The following FUBP1 variants were observed in gnomAD, a reference collection of about 807,000 sequenced individuals.
FUBP1 encodes far upstream element-binding protein 1.
In FUBP1, 16 loss-of-function variants were observed where a neutral mutation model predicts 94.9. The ratio of observed to expected loss-of-function variants is 0.17; its 90% CI spans 0.11 to 0.26. The LOEUF is 0.26. FUBP1 is among the 10% of genes least tolerant of loss of function. FUBP1 has a pLI of 1.00. For missense variants in FUBP1, 583 were observed against 808.6 expected, an observed-to-expected ratio of 0.72 and a Z score of 3.38; for synonymous variants, 279 against 254.9, an observed-to-expected ratio of 1.09 and a Z score of -0.90.
rs2102562666 is a variant in FUBP1, at chr1:77,978,920, C to T, written c.85G>A (p.Asp29Asn). 6.2e-7 allele frequency: 1 copy of T among 1,613,814 alleles called. No individual in the cohort carries two copies. Among genetic ancestry groups the T allele is most frequent in the Non-Finnish European group, 8.5e-7 (1 of 1,179,872 alleles). ...CTCTGCAGTGCATCTTTGAAAGCGT[C>T]GTTAACTCCTCCACCACCACCGCCG... ...GGGGGGGGVN[D>N]AFKDALQRAR... is the part of the protein sequence containing the mutation. The change falls in exon 1 of 20, where the codon GAC becomes AAC. Residue 29 changes from aspartate (D) to asparagine (N), a missense_variant. Physicochemically the swap from Asp to Asn is conservative, Grantham distance 23 (BLOSUM62 1). Coordinates refer to ENST00000370768, the MANE Select transcript of FUBP1 (RefSeq NM_003902.5).
At chr1:77,971,683 C>T (rs1657563726) in intron 1 of FUBP1, among the ~76,000 whole-genome samples, 1 of 150,604 alleles carries the variant, frequency 6.6e-6, no homozygotes, top group African/African-American at 2.4e-5. Flanking sequence ...TTATTAGGAT[C>T]AAGTACTAGA....
Position 77,945,121 on chromosome 1 carries a change from C to T in FUBP1, c.*3645G>A, listed in dbSNP as rs894814891. Among the ~76,000 whole-genome samples the T allele has an allele frequency of 6.6e-6, 1 of 151,908 alleles. No individual in the cohort carries two copies. The highest frequency in any genetic ancestry group is 2.4e-5 in the African/African-American group (1 of 41,408). On this transcript the variant is annotated 3_prime_UTR_variant, in exon 20 of 20. Coordinates refer to ENST00000370768, the MANE Select transcript of FUBP1 (RefSeq NM_003902.5). ...TCATTTAAAATAATGCTTATAGTAT[C>T]AGTGAAGGCTTATGGTAATGAATAA... is the stretch of plus-strand genomic sequence containing the variant.
intron 14 of FUBP1, 90 bp from the exon 15 acceptor site, chr1:77,960,585 C>A: frequency 2.8e-6 from 3 of 1,063,124 alleles, no homozygotes; most frequent in Non-Finnish European, 4.0e-6. Flanking sequence ...TTTCTACCCT[C>A]TTATAGTCAC....
Position 77,958,869 on chromosome 1 carries a change from G to T in FUBP1, c.1576+1315C>A, listed in dbSNP as rs140122190. On this transcript the variant is annotated intron_variant, in intron 16 of 19. Transcript: ENST00000370768. Reference sequence around the variant, plus strand: ...TACCATCCCAATCAGCCAACAAGAGGGAAAGAAAAGCCCTTTCATTCTCCA... The same window carrying T: ...TACCATCCCAATCAGCCAACAAGAGTGAAAGAAAAGCCCTTTCATTCTCCA... Among the ~76,000 whole-genome samples the T allele has an allele frequency of 6.2e-3, 939 of 152,182 alleles. 10 individuals carry two copies. Among genetic ancestry groups the T allele is most frequent in the African/African-American group, 0.021 (883 of 41,486 alleles).
chr1:77,958,245 G>T (rs2102327565), intron 16 of FUBP1, among the ~76,000 whole-genome samples: 1 of 152,286 alleles, frequency 6.6e-6, no homozygotes, highest in South Asian at 2.1e-4. Context: ...CAAATAACTA[G>T]TATGTACTAA....
In FUBP1 at chr1:77,946,324, A is replaced by C; in HGVS notation, c.*2442T>G. ...TTTCTTGTCTTAATAAAAAAAAAAAAGTAAAATAAAAAACATTACCCAGAA... is the reference window on the plus strand; with the variant it reads ...TTTCTTGTCTTAATAAAAAAAAAAACGTAAAATAAAAAACATTACCCAGAA... On this transcript the variant is annotated 3_prime_UTR_variant, in exon 20 of 20. Transcript: ENST00000370768. Among the ~76,000 whole-genome samples, 1 of 151,676 alleles carries C rather than the reference A, an allele frequency of 6.6e-6. No homozygotes were observed. Among genetic ancestry groups the C allele is most frequent in the South Asian group, 2.1e-4 (1 of 4,822 alleles).
intron 3 of FUBP1, among the ~76,000 whole-genome samples, 173 bp downstream of exon 3, chr1:77,967,992 T>C (rs1310978109): frequency 6.6e-6 from 1 of 152,134 alleles, no homozygotes; most frequent in Admixed American, 6.5e-5. Context: ...CCACAATTAA[T>C]GGGACAGATT....
intron 2 of FUBP1, chr1:77,969,152 A>T: frequency 1.9e-6 from 1 of 524,774 alleles, no homozygotes; most frequent in Non-Finnish European, 3.3e-6. Flanking sequence ...TTTTTTTTCT[A>T]CATTAAAAAC....
chr1:77,953,434 T>C (rs1216336788), intron 18 of FUBP1, among the ~76,000 whole-genome samples: 1 of 152,158 alleles, frequency 6.6e-6, no homozygotes, highest in Non-Finnish European at 1.5e-5. Context: ...GAGGTTGCAG[T>C]GAGCTGAGAT....
intron 1 of FUBP1, among the ~76,000 whole-genome samples, chr1:77,976,850 G>A (rs952292337): frequency 2.6e-5 from 4 of 152,138 alleles, no homozygotes; most frequent in African/African-American, 9.7e-5. Flanking sequence ...ATCTGGATCC[G>A]CTTGTACCTT....
At chr1:77,972,890 T>A (rs1657847432) in intron 1 of FUBP1, among the ~76,000 whole-genome samples, 1 of 148,000 alleles carries the variant, frequency 6.8e-6, no homozygotes, top group Admixed American at 6.6e-5. Flanking sequence ...AAGTGTTTAA[T>A]AAAAATACCA....
At chr1:77,970,789 A>C (rs149708386) in intron 1 of FUBP1, among the ~76,000 whole-genome samples, 73 of 152,324 alleles carry the variant, frequency 4.8e-4, no homozygotes, top group Middle Eastern at 3.4e-3. Context: ...TCATGCCTGT[A>C]ATCTTAGCAC....
At chr1:77,953,689 TA>T (rs544066254) in intron 18 of FUBP1, among the ~76,000 whole-genome samples, 1 of 150,182 alleles carries the variant, frequency 6.7e-6, no homozygotes. Flanking sequence ...AGGGAAATGG[TA>T]AAAAAAAATA....
chr1:77,972,224 TC>T (rs2102479389), intron 1 of FUBP1, among the ~76,000 whole-genome samples: 1 of 152,274 alleles, frequency 6.6e-6, no homozygotes, highest in African/African-American at 2.4e-5. Context: ...CTGCTGGGTA[TC>T]GACAGGCACT....
At chr1:77,960,590 A>G (rs942776774) in intron 14 of FUBP1, 95 bp from the exon 15 acceptor site, 50 of 1,017,832 alleles carry the variant, frequency 4.9e-5, no homozygotes, top group East Asian at 8.9e-5. Context: ...ACCCTCTTAT[A>G]GTCACAAATA....
At chr1:77,966,837 G>C in intron 6 of FUBP1, 47 bp downstream of exon 6, 1 of 1,169,768 alleles carries the variant, frequency 8.5e-7, no homozygotes, top group African/African-American at 1.6e-5. Flanking sequence ...AAAAAAAAAA[G>C]CTAGTTTTCT....
intron 18 of FUBP1, among the ~76,000 whole-genome samples, chr1:77,949,846 G>A (rs1047413605): frequency 6.6e-6 from 1 of 152,126 alleles, no homozygotes; most frequent in Non-Finnish European, 1.5e-5. Context: ...AACCTATAAA[G>A]TGTATGTACA....
At chr1:77,964,226 C>T (rs1162793611) in intron 11 of FUBP1, 28 bp downstream of exon 11, 1 of 1,546,428 alleles carries the variant, frequency 6.5e-7, no homozygotes, top group Admixed American at 1.7e-5. Flanking sequence ...CTGCTGCCAA[C>T]ACTTACAAGA....
rs908553881 is a variant in FUBP1, at chr1:77,944,087, C to T, written c.*4679G>A. On this transcript the variant is annotated 3_prime_UTR_variant, in exon 20 of 20. Coordinates refer to ENST00000370768, the MANE Select transcript of FUBP1 (RefSeq NM_003902.5). Reference sequence around the variant, plus strand: ...CATCAATGTACATTTATTGAGGAAACCATAATGAATACAAAATTACAGCAA... The same window carrying T: ...CATCAATGTACATTTATTGAGGAAATCATAATGAATACAAAATTACAGCAA... The T allele has an allele frequency of 5.4e-6, 1 of 183,820 alleles. No individual in the cohort carries two copies. The highest frequency in any genetic ancestry group is 1.2e-5 in the Non-Finnish European group (1 of 86,656). The allele number at this position is 183,820 out of a possible 1,614,324, so 11.4% of individuals were successfully genotyped here. A position where few individuals can be genotyped will look rare whatever the true frequency, so the allele number is the denominator to read the frequency against.
Sources: allele counts gnomAD v4.1 joint callset (sites outside exome capture counted in the v4.1 genomes callset), GRCh38; gene constraint gnomAD v4.1.1; transcripts MANE v1.5; gene names NCBI Gene and HGNC (gene_info 2026-07-23, HGNC 2026-07-21).